CADM1: variants seen among roughly 807,000 people sequenced by gnomAD.
CADM1 encodes TSLC-1.
CADM1 carries 15 observed loss-of-function variants against 53.1 expected under a neutral mutation model. The ratio of observed to expected loss-of-function variants is 0.28; its 90% CI spans 0.19 to 0.44. The LOEUF is 0.44. CADM1 is among the 20% of genes least tolerant of loss of function. The pLI is 1.00. For missense variants in CADM1, 434 were observed against 611.3 expected (o/e 0.71, Z 3.06); for synonymous variants, 281 against 243.0 (o/e 1.16, Z -1.45).
intron 5 of CADM1, among the ~76,000 whole-genome samples, 170 bp downstream of exon 5, chr11:115,228,943 C>A (rs1941715551): frequency 6.6e-6 from 1 of 152,202 alleles, no homozygotes. Flanking sequence ...CTCATTGGCA[C>A]TCTGTAATAT....
chr11:115,402,043 AG>A (rs1399125538), intron 1 of CADM1, among the ~76,000 whole-genome samples: 5 of 152,220 alleles, frequency 3.3e-5, no homozygotes, highest in African/African-American at 1.2e-4. Flanking sequence ...TCTGTTATAA[AG>A]TTAGAGAAAA....
chr11:115,439,782 C>G (rs1565428766), intron 1 of CADM1, among the ~76,000 whole-genome samples: 1 of 152,330 alleles, frequency 6.6e-6, no homozygotes, highest in East Asian at 1.9e-4. Flanking sequence ...TTAATAATAT[C>G]TGCACTGAGA....
At chr11:115,436,925 A>T (rs2135311750) in intron 1 of CADM1, among the ~76,000 whole-genome samples, 1 of 152,352 alleles carries the variant, frequency 6.6e-6, no homozygotes, top group East Asian at 1.9e-4. Flanking sequence ...AACTCTGTTC[A>T]TTTTACTGAT....
intron 1 of CADM1, among the ~76,000 whole-genome samples, chr11:115,423,183 AGTTT>A (rs1947802736): frequency 6.6e-6 from 1 of 152,202 alleles, no homozygotes; most frequent in African/African-American, 2.4e-5. Context: ...TTGTAATGTT[AGTTT>A]GATGCTGGAA....
intron 1 of CADM1, among the ~76,000 whole-genome samples, chr11:115,258,508 G>C (rs566751451): frequency 6.6e-6 from 1 of 152,188 alleles, no homozygotes; most frequent in South Asian, 2.1e-4. Context: ...TCTGCCACCA[G>C]CTCTGTTTCC....
chr11:115,479,659 A>G (rs1302848355), intron 1 of CADM1, among the ~76,000 whole-genome samples: 4 of 152,144 alleles, frequency 2.6e-5, no homozygotes, highest in Non-Finnish European at 5.9e-5. Context: ...TTATTTATCA[A>G]TTGTGTTGCT....
chr11:115,212,346 C>A (rs1445353058), intron 7 of CADM1, among the ~76,000 whole-genome samples: 3 of 152,194 alleles, frequency 2.0e-5, no homozygotes, highest in Non-Finnish European at 1.5e-5. Context: ...ATCTACTCAA[C>A]ACCTTCCCAA....
At chr11:115,222,247 A>G (rs1270086976) in intron 5 of CADM1, among the ~76,000 whole-genome samples, 3 of 152,136 alleles carry the variant, frequency 2.0e-5, no homozygotes, top group Non-Finnish European at 4.4e-5. Context: ...TTTGTCAATC[A>G]TGGAGGATTA....
intron 1 of CADM1, among the ~76,000 whole-genome samples, chr11:115,328,165 C>G (rs558451208): frequency 5.8e-4 from 88 of 152,054 alleles, no homozygotes; most frequent in African/African-American, 2.1e-3. Context: ...TTGGCCAAGT[C>G]TCTCTGATAT....
chr11:115,462,216 T>C (rs984425147), intron 1 of CADM1, among the ~76,000 whole-genome samples: 5 of 152,196 alleles, frequency 3.3e-5, no homozygotes, highest in Non-Finnish European at 5.9e-5. Context: ...TTCGAAAGTT[T>C]CATTTCAGTA....
intron 1 of CADM1, among the ~76,000 whole-genome samples, chr11:115,389,713 C>T (rs1946786450): frequency 6.6e-6 from 1 of 151,870 alleles, no homozygotes; most frequent in Admixed American, 6.6e-5. Flanking sequence ...TAAAGAAATC[C>T]AAGAAACTAT....
At position 115,175,234 on chromosome 11, in the gene CADM1, G is replaced by T; in HGVS notation, c.*1240C>A. ...TGAGAACAATACCAGCCCTTCTTTT[G>T]TACCTCCTGCCTTTGTCAAGCCAAA... On this transcript the variant is annotated 3_prime_UTR_variant, in exon 12 of 12. Transcript: ENST00000331581. The T allele has an allele frequency of 1.0e-6, 1 of 985,756 alleles. No individual in the cohort carries two copies. The allele number at this position is 985,756 out of a possible 1,614,324, so 61.1% of individuals were successfully genotyped here.
At chr11:115,440,169 C>A (rs768650884) in intron 1 of CADM1, among the ~76,000 whole-genome samples, 17 of 152,194 alleles carry the variant, frequency 1.1e-4, no homozygotes, top group Non-Finnish European at 2.1e-4. Context: ...GCATAATCAT[C>A]TTTTTGGCAT....
At chr11:115,200,867 G>T (rs1371879608) in intron 8 of CADM1, among the ~76,000 whole-genome samples, 1 of 152,174 alleles carries the variant, frequency 6.6e-6, no homozygotes, top group Admixed American at 6.5e-5. Context: ...AGACCTAAGG[G>T]TTAGAGTCAT....
chr11:115,313,459 C>A (rs754049735), intron 1 of CADM1, among the ~76,000 whole-genome samples: 16 of 151,890 alleles, frequency 1.1e-4, no homozygotes, highest in Non-Finnish European at 1.6e-4. Context: ...TAGCTTGGAC[C>A]CAAAGAAACC....
chr11:115,315,969 G>A lies in CADM1; in HGVS notation c.125-75549C>T, dbSNP rs543227540. 4.6e-5 allele frequency among the ~76,000 whole-genome samples: 7 copies of A among 152,158 alleles called. No individual in the cohort carries two copies. In the East Asian group the frequency reaches 9.7e-4, roughly 21 times the overall value. On this transcript the variant is annotated intron_variant, in intron 1 of 11. Coordinates refer to ENST00000331581, the MANE Select transcript of CADM1 (RefSeq NM_001301043.2). ...GCATGCTTCTCTCCTCTTGCTTCCCGGTGTTGGTTTAATATGGAGCATTCC... is the reference window on the plus strand; with the variant it reads ...GCATGCTTCTCTCCTCTTGCTTCCCAGTGTTGGTTTAATATGGAGCATTCC...
intron 1 of CADM1, among the ~76,000 whole-genome samples, chr11:115,470,006 C>A (rs1029303572): frequency 1.3e-5 from 2 of 152,110 alleles, no homozygotes; most frequent in Admixed American, 6.5e-5. Flanking sequence ...GCTTCCATGA[C>A]CTTGGTCATT....
intron 1 of CADM1, among the ~76,000 whole-genome samples, chr11:115,493,486 T>A (rs1221295688): frequency 1.3e-5 from 2 of 152,074 alleles, no homozygotes; most frequent in Non-Finnish European, 2.9e-5. Context: ...GGCTCAAAAC[T>A]AAAGAAGACA....
At chr11:115,284,868 T>A (rs1225782712) in intron 1 of CADM1, among the ~76,000 whole-genome samples, 3 of 152,218 alleles carry the variant, frequency 2.0e-5, no homozygotes, top group African/African-American at 7.2e-5. Flanking sequence ...CAGGATTTTC[T>A]AAGTTCGTTC....
Sources: allele counts gnomAD v4.1 joint callset (sites outside exome capture counted in the v4.1 genomes callset), GRCh38; gene constraint gnomAD v4.1.1; transcripts MANE v1.5; gene names NCBI Gene and HGNC (gene_info 2026-07-23, HGNC 2026-07-21).